Variants in OPCML observed in about 807,000 individuals in gnomAD.
OPCML encodes the protein opioid binding protein/cell adhesion molecule like.
OPCML carries 13 observed loss-of-function variants against 37.8 expected under a neutral mutation model. That is an observed-to-expected ratio of 0.34 (90% CI 0.22 to 0.55). The LOEUF (loss-of-function observed/expected upper bound fraction) is 0.55. Among genes scored for constraint, OPCML ranks in the 20% least tolerant of loss-of-function variants. OPCML has a pLI of 0.91. For missense variants in OPCML, 341 were observed against 435.6 expected (o/e 0.78, Z 1.93); for synonymous variants, 176 against 168.8 (o/e 1.04, Z -0.33).
intron 4 of OPCML, among the ~76,000 whole-genome samples, chr11:132,503,711 G>A (rs2096250534): frequency 6.6e-6 from 1 of 152,070 alleles, no homozygotes; most frequent in Admixed American, 6.6e-5. Flanking sequence ...ATAACAGAAT[G>A]AAGACAAAGG....
chr11:133,241,393 C>T (rs1940726011), intron 1 of OPCML, among the ~76,000 whole-genome samples: 1 of 152,192 alleles, frequency 6.6e-6, no homozygotes, highest in African/African-American at 2.4e-5. Flanking sequence ...CTTCACACAG[C>T]TAGGAAATGG....
intron 1 of OPCML, among the ~76,000 whole-genome samples, chr11:133,439,702 C>T (rs1221866537): frequency 3.3e-5 from 5 of 152,066 alleles, no homozygotes; most frequent in Non-Finnish European, 4.4e-5. Context: ...CTCCTGACTT[C>T]GTGATCCACC....
chr11:133,008,896 G>A (rs2136868652), intron 1 of OPCML: 2 of 985,394 alleles, frequency 2.0e-6, no homozygotes, highest in Non-Finnish European at 2.4e-6. Flanking sequence ...GGTCATATGA[G>A]TGATCTGCAC....
At position 132,919,107 on chromosome 11, in the gene OPCML, A is replaced by G. The variant is rs536984062; in HGVS notation, c.146+23819T>C. Among the ~76,000 whole-genome samples the G allele has an allele frequency of 5.3e-5, 8 of 152,342 alleles. No individual in the cohort carries two copies. In the South Asian group the frequency reaches 1.7e-3, roughly 32 times the overall value. ...ATTTGAGAGTATAAGTAGATAGATAATGAGTTGGGCCTATAGCCTTAAGCC... is the reference window on the plus strand; with the variant it reads ...ATTTGAGAGTATAAGTAGATAGATAGTGAGTTGGGCCTATAGCCTTAAGCC... On this transcript the variant is annotated intron_variant, in intron 2 of 7. Transcript: ENST00000524381.
chr11:133,041,763 C>T (rs944674491), intron 1 of OPCML, among the ~76,000 whole-genome samples: 9 of 152,170 alleles, frequency 5.9e-5, no homozygotes, highest in African/African-American at 2.2e-4. Context: ...GGAGAATGTA[C>T]TTAAAAAGAC....
intron 1 of OPCML, among the ~76,000 whole-genome samples, chr11:133,052,731 C>T (rs1422513273): frequency 6.6e-6 from 1 of 152,148 alleles, no homozygotes; most frequent in Non-Finnish European, 1.5e-5. Flanking sequence ...ATGAGAGCCA[C>T]CCAGCCACAT....
chr11:133,398,310 A>C lies in OPCML; in HGVS notation c.61+133954T>G, dbSNP rs189387964. Among the ~76,000 whole-genome samples the C allele has an allele frequency of 7.0e-4, 107 of 152,298 alleles. 1 individual carries two copies. Among genetic ancestry groups the C allele is most frequent in the African/African-American group, 2.4e-3 (99 of 41,574 alleles). On this transcript the variant is annotated intron_variant, in intron 1 of 7. Transcript: ENST00000524381. ...GCCCAATGTGGTCCTTTTGGAAATC[A>C]GCTCCTTTGTTATGTCCCAGCGTAG... is the stretch of plus-strand genomic sequence containing the variant.
At chr11:133,464,727 G>A (rs897383913) in intron 1 of OPCML, among the ~76,000 whole-genome samples, 4 of 152,198 alleles carry the variant, frequency 2.6e-5, no homozygotes. Context: ...ACACAGAGGA[G>A]GGGGAGATCT....
intron 1 of OPCML, among the ~76,000 whole-genome samples, chr11:133,428,062 A>C (rs950636956): frequency 6.6e-6 from 1 of 152,236 alleles, no homozygotes; most frequent in East Asian, 1.9e-4. Context: ...CAAAATCCTC[A>C]TTGAAACATT....
At chr11:132,424,261 A>G (rs2095970300) in intron 7 of OPCML, among the ~76,000 whole-genome samples, 1 of 151,988 alleles carries the variant, frequency 6.6e-6, no homozygotes, top group Admixed American at 6.6e-5. Flanking sequence ...CTGGGACTAC[A>G]GACGCCTGCC....
chr11:132,951,859 GA>G (rs1945867826), intron 1 of OPCML, among the ~76,000 whole-genome samples: 1 of 152,234 alleles, frequency 6.6e-6, no homozygotes, highest in African/African-American at 2.4e-5. Context: ...GCCTAAAAAT[GA>G]AAAGGCTTCT....
chr11:133,103,170 C>A (rs534071517), intron 1 of OPCML, among the ~76,000 whole-genome samples: 2 of 152,136 alleles, frequency 1.3e-5, no homozygotes, highest in African/African-American at 4.8e-5. Context: ...TTTTAACTTA[C>A]GCATTTGCTT....
chr11:132,785,112 A>C (rs1192629033), intron 2 of OPCML, among the ~76,000 whole-genome samples: 1 of 152,196 alleles, frequency 6.6e-6, no homozygotes, highest in Non-Finnish European at 1.5e-5. Context: ...TTCTACCTAT[A>C]TTGTATTACA....
intron 2 of OPCML, among the ~76,000 whole-genome samples, chr11:132,721,659 T>C (rs185956414): frequency 1.4e-3 from 211 of 152,216 alleles, no homozygotes; most frequent in Non-Finnish European, 2.2e-3. Context: ...GTATGAGGGA[T>C]GAAACAAGGA....
At chr11:133,063,557 C>T (rs954533315) in intron 1 of OPCML, among the ~76,000 whole-genome samples, 2 of 144,388 alleles carry the variant, frequency 1.4e-5, no homozygotes, top group Non-Finnish European at 3.1e-5. Flanking sequence ...AGGTCATTTA[C>T]AGAGCTGTTG....
intron 1 of OPCML, chr11:133,423,371 G>C (rs149472892): frequency 3.0e-4 from 295 of 985,376 alleles, no homozygotes; most frequent in African/African-American, 2.3e-3. Flanking sequence ...AACTGAGAGT[G>C]GACAGTAACT....
chr11:133,001,632 A>T (rs1947005890), intron 1 of OPCML, among the ~76,000 whole-genome samples: 1 of 152,238 alleles, frequency 6.6e-6, no homozygotes, highest in Admixed American at 6.5e-5. Flanking sequence ...GGGACCAATG[A>T]AGAATAAGTG....
rs146149170 is a variant in OPCML, at chr11:133,206,108, T to A, written c.62-263098A>T. Among the ~76,000 whole-genome samples, 114 of 152,294 alleles carry A rather than the reference T, an allele frequency of 7.5e-4. No homozygotes were observed. The highest frequency in any genetic ancestry group is 2.7e-3 in the African/African-American group (111 of 41,568). On this transcript the variant is annotated intron_variant, in intron 1 of 7. Transcript: ENST00000524381. This position sits in a 1 kb window ranked among gnomAD's most constrained non-coding sequence, Gnocchi z 4.7. ...AATAATAACTGTATTATTCTGTAAA[T>A]CAGGGTGATGATATTGGCTATATTT...
chr11:132,995,219 T>C (rs551001191), intron 1 of OPCML, among the ~76,000 whole-genome samples: 2 of 152,290 alleles, frequency 1.3e-5, no homozygotes, highest in Admixed American at 6.5e-5. Flanking sequence ...GGAAGTTTGC[T>C]AGGCAGACGG....
Sources: gnomAD v4.1 joint callset for allele counts (sites outside exome capture counted in the v4.1 genomes callset) on GRCh38, gnomAD v4.1.1 for gene constraint, Gnocchi (gnomAD v3.1) non-coding constraint, MANE v1.5 for transcripts, NCBI Gene and HGNC (gene_info 2026-07-23, HGNC 2026-07-21) for gene names.